Variants in EXOC4 observed in about 807,000 individuals in gnomAD.
EXOC4 encodes SEC8-like 1.
Under a neutral mutation model 107.2 loss-of-function variants are expected in EXOC4, and 71 were observed. The ratio of observed to expected loss-of-function variants is 0.66; its 90% CI spans 0.55 to 0.81. The LOEUF (loss-of-function observed/expected upper bound fraction) is 0.81, where lower values mean the gene tolerates loss of function less well. Ranked by LOEUF, EXOC4 falls within the 30% of genes least tolerant of loss-of-function variation. The probability of loss-of-function intolerance (pLI) is 0.00; values close to 1 mark genes in which losing one functional copy is unlikely to be tolerated. For synonymous variants in EXOC4, 456 were observed against 441.2 expected, an observed-to-expected ratio of 1.03 and a Z score of -0.42; for missense variants, 1,108 against 1,189.6, an observed-to-expected ratio of 0.93 and a Z score of 1.01.
intron 9 of EXOC4, among the ~76,000 whole-genome samples, chr7:133,485,082 A>AAAAT (rs1277786673): frequency 7.0e-5 from 6 of 85,384 alleles, no homozygotes; most frequent in African/African-American, 2.1e-4. Context: ...TCCGTCTCAA[A>AAAAT]AAATAAATAA....
intron 13 of EXOC4, among the ~76,000 whole-genome samples, chr7:133,919,042 A>C (rs1203345863): frequency 6.6e-6 from 1 of 152,116 alleles, no homozygotes. Context: ...TTATTATGAA[A>C]ATTTTCTGTA....
chr7:133,723,788 A>G (rs1239966583), intron 10 of EXOC4, among the ~76,000 whole-genome samples: 1 of 151,770 alleles, frequency 6.6e-6, no homozygotes, highest in Non-Finnish European at 1.5e-5. Context: ...ACCATGCCCA[A>G]CTTATTTATT....
the EXOC4 span, among the ~76,000 whole-genome samples, chr7:134,091,793 G>A: frequency 7.9e-5 from 12 of 152,240 alleles, no homozygotes; most frequent in African/African-American, 2.4e-4. Flanking sequence ...TGATAAGCAA[G>A]CATTATACAG....
intron 9 of EXOC4, among the ~76,000 whole-genome samples, chr7:133,626,141 A>G (rs985546528): frequency 2.4e-4 from 36 of 152,188 alleles, no homozygotes; most frequent in Admixed American, 1.0e-3. Context: ...TGGGAGGCGG[A>G]GGTTGCAGTG....
rs1190392890 is a variant in EXOC4 at position 133,302,983 on chromosome 7, T to C, written c.472-2894T>C. ...CTAAATACAGACGATTATTTTATTA[T>C]TTCTAGTAAATCTCAAATCTTAGTA... On this transcript the variant is annotated intron_variant, in intron 3 of 17. Coordinates refer to ENST00000253861, the MANE Select transcript of EXOC4 (RefSeq NM_021807.4). Among the ~76,000 whole-genome samples the C allele has an allele frequency of 4.6e-5, 7 of 152,358 alleles. No homozygotes were observed. The East Asian group carries it at 1.3e-3, about 29-fold the overall frequency.
intron 11 of EXOC4, among the ~76,000 whole-genome samples, chr7:133,836,472 A>G (rs1465684485): frequency 6.6e-6 from 1 of 152,076 alleles, no homozygotes; most frequent in African/African-American, 2.4e-5. Flanking sequence ...TTTATATTGG[A>G]TTTTAACAGC....
intron 10 of EXOC4, among the ~76,000 whole-genome samples, chr7:133,722,817 T>C (rs1456011917): frequency 6.6e-6 from 1 of 152,252 alleles, no homozygotes; most frequent in Non-Finnish European, 1.5e-5. Flanking sequence ...TTTTGAGTTA[T>C]GCCCTTACCT....
intron 10 of EXOC4, among the ~76,000 whole-genome samples, chr7:133,778,802 A>AT (rs550528924): frequency 6.6e-6 from 1 of 151,958 alleles, no homozygotes; most frequent in Admixed American, 6.6e-5. Context: ...CTGTTATGTC[A>AT]TTTTTTTTCT....
intron 5 of EXOC4, among the ~76,000 whole-genome samples, chr7:133,335,438 T>C (rs1017092904): frequency 6.6e-6 from 1 of 152,218 alleles, no homozygotes; most frequent in African/African-American, 2.4e-5. Context: ...ATACCTCATA[T>C]AAGTGGAATC....
At chr7:133,765,514 C>A (rs991169077) in intron 10 of EXOC4, among the ~76,000 whole-genome samples, 2 of 151,888 alleles carry the variant, frequency 1.3e-5, no homozygotes, top group Non-Finnish European at 2.9e-5. Context: ...ATGGACAAAT[C>A]GTTTATTTCT....
chr7:133,845,656 ACT>A (rs1383687605), intron 11 of EXOC4, among the ~76,000 whole-genome samples: 6 of 151,718 alleles, frequency 4.0e-5, no homozygotes, highest in Non-Finnish European at 2.9e-5. Context: ...TGGGCATCTC[ACT>A]CTCAGCTAGT....
intron 10 of EXOC4, among the ~76,000 whole-genome samples, chr7:133,729,514 A>G (rs1192888268): frequency 6.6e-6 from 1 of 152,132 alleles, no homozygotes; most frequent in African/African-American, 2.4e-5. Flanking sequence ...TTAACCAGAA[A>G]GAGTCAGCAC....
intron 14 of EXOC4, among the ~76,000 whole-genome samples, chr7:133,981,962 A>C (rs2116919338): frequency 6.6e-6 from 1 of 152,318 alleles, no homozygotes; most frequent in East Asian, 1.9e-4. Flanking sequence ...TGGAACATGG[A>C]TGGATCTGCA....
the EXOC4 span, among the ~76,000 whole-genome samples, chr7:134,076,679 CAT>C: frequency 1.4e-4 from 20 of 147,440 alleles, no homozygotes; most frequent in Admixed American, 7.6e-4. Context: ...ATATATCTAA[CAT>C]AGAAAAAACT....
chr7:133,676,119 C>T (rs946282138), intron 10 of EXOC4, among the ~76,000 whole-genome samples: 3 of 151,918 alleles, frequency 2.0e-5, no homozygotes, highest in African/African-American at 7.3e-5. Context: ...TGCAGTCATT[C>T]ATTCATTCAT....
intron 10 of EXOC4, among the ~76,000 whole-genome samples, chr7:133,654,805 G>A (rs1562893683): frequency 6.6e-6 from 1 of 152,122 alleles, no homozygotes; most frequent in Non-Finnish European, 1.5e-5. Context: ...AGGCTGTATG[G>A]TATAGCCCAT....
intron 7 of EXOC4, among the ~76,000 whole-genome samples, chr7:133,419,110 G>C (rs186586941): frequency 6.6e-6 from 1 of 152,164 alleles, no homozygotes; most frequent in Non-Finnish European, 1.5e-5. Context: ...TCAAGAGGCT[G>C]GGTGTGTAGG....
intron 10 of EXOC4, among the ~76,000 whole-genome samples, chr7:133,751,977 T>A (rs1332187607): frequency 1.1e-5 from 1 of 92,286 alleles, no homozygotes; most frequent in Admixed American, 1.4e-4. Flanking sequence ...AGACTATCTC[T>A]CTACCAAATA....
chr7:134,006,031 A>G (rs35166480), intron 16 of EXOC4, among the ~76,000 whole-genome samples: 1,979 of 152,282 alleles, frequency 0.013, 21 homozygotes, highest in Non-Finnish European at 0.021. Context: ...CCATGGCACT[A>G]TGAGTTTGGT....
Sources: allele counts gnomAD v4.1 joint callset (sites outside exome capture counted in the v4.1 genomes callset), GRCh38; gene constraint gnomAD v4.1.1; transcripts MANE v1.5; gene names NCBI Gene and HGNC (gene_info 2026-07-23, HGNC 2026-07-21).